The following UTRN variants were observed in gnomAD, a reference collection of about 807,000 sequenced individuals.
UTRN encodes utrophin.
A neutral mutation model predicts 463.9 loss-of-function variants in UTRN; 283 were observed. The observed-to-expected ratio is 0.61, with a 90% CI of 0.55 to 0.67. The LOEUF is 0.67. Ranked by LOEUF, UTRN falls within the 30% of genes least tolerant of loss-of-function variation. The pLI is 0.00. For missense variants in UTRN, 3,922 were observed against 4,084.3 expected (o/e 0.96, Z 1.08); for synonymous variants, 1,442 against 1,431.5 (o/e 1.01, Z -0.17).
At chr6:144,479,726 A>C in intron 25 of UTRN, 86 bp from the exon 26 acceptor site, 1 of 1,465,590 alleles carries the variant, frequency 6.8e-7, no homozygotes, top group Non-Finnish European at 9.2e-7. Flanking sequence ...GAAAGTTATT[A>C]CTGTGCCTTT....
intron 43 of UTRN, among the ~76,000 whole-genome samples, chr6:144,535,152 CT>C (rs1335159295): frequency 3.9e-5 from 6 of 152,344 alleles, no homozygotes; most frequent in African/African-American, 1.4e-4. Flanking sequence ...GTGATCTCAG[CT>C]CACTGCAACC....
intron 2 of UTRN, among the ~76,000 whole-genome samples, chr6:144,331,276 C>T (rs1054827785): frequency 6.6e-6 from 1 of 152,152 alleles, no homozygotes; most frequent in African/African-American, 2.4e-5. Context: ...ATTTATTTTG[C>T]TTACTAACCT....
chr6:144,442,100 T>G (rs1221139908), intron 13 of UTRN, among the ~76,000 whole-genome samples: 1 of 152,218 alleles, frequency 6.6e-6, no homozygotes, highest in Non-Finnish European at 1.5e-5. Flanking sequence ...CGCATTGTCT[T>G]GGTGATTAAC....
intron 53 of UTRN, among the ~76,000 whole-genome samples, chr6:144,715,693 T>TTCCCCCCCC (rs1786341095): frequency 7.6e-6 from 1 of 131,024 alleles, no homozygotes; most frequent in African/African-American, 3.4e-5. Context: ...CTCTCTCTCT[T>TTCCCCCCCC]CCCCCCCCAC....
At chr6:144,570,761 C>T (rs1800865919) in intron 50 of UTRN, among the ~76,000 whole-genome samples, 1 of 152,146 alleles carries the variant, frequency 6.6e-6, no homozygotes, top group African/African-American at 2.4e-5. Flanking sequence ...GCCAAGTGCT[C>T]ATGGTCCCTT....
chr6:144,342,635 G>A (rs934267152), intron 2 of UTRN, among the ~76,000 whole-genome samples: 3 of 152,110 alleles, frequency 2.0e-5, no homozygotes, highest in South Asian at 2.1e-4. Context: ...ACCATATACT[G>A]TATGATTTCT....
Position 144,602,527 on chromosome 6 carries a change from A to C in UTRN, c.7479+25239A>C, listed in dbSNP as rs1013107696. Among the ~76,000 whole-genome samples, 11 of 152,352 alleles carry C rather than the reference A, an allele frequency of 7.2e-5. No individual in the cohort carries two copies. In the South Asian group the frequency reaches 1.9e-3, roughly 26 times the overall value. On this transcript the variant is annotated intron_variant, in intron 51 of 74. Transcript: ENST00000367545. ...TAAAACATTGAATTGTAAGCTATGCATACATTTAAGAAAGACTAGTAAATA... is the reference window on the plus strand; with the variant it reads ...TAAAACATTGAATTGTAAGCTATGCCTACATTTAAGAAAGACTAGTAAATA...
intron 52 of UTRN, among the ~76,000 whole-genome samples, 175 bp from the exon 53 acceptor site, chr6:144,699,908 GTATA>G (rs1356041062): frequency 1.4e-5 from 2 of 148,084 alleles, no homozygotes; most frequent in East Asian, 3.9e-4. Flanking sequence ...ACATATATAT[GTATA>G]TATAGTATAT....
At chr6:144,345,146 T>A (rs1235297498) in intron 2 of UTRN, among the ~76,000 whole-genome samples, 6 of 151,798 alleles carry the variant, frequency 4.0e-5, no homozygotes. Context: ...CCTCTTAATG[T>A]TTTCCTTCTT....
At chr6:144,812,274 G>A (rs748337099) in intron 65 of UTRN, among the ~76,000 whole-genome samples, 13 of 152,054 alleles carry the variant, frequency 8.5e-5, no homozygotes, top group South Asian at 2.1e-4. Flanking sequence ...TTGCTTTGCC[G>A]GTCTTTGGGG....
intron 33 of UTRN, 47 bp from the exon 34 acceptor site, chr6:144,499,210 T>G: frequency 6.4e-7 from 1 of 1,567,590 alleles, no homozygotes; most frequent in Non-Finnish European, 8.7e-7. Flanking sequence ...TCATTTATGT[T>G]CATTCCCATC....
intron 42 of UTRN, 118 bp downstream of exon 42, chr6:144,531,320 G>A: frequency 9.3e-7 from 1 of 1,080,866 alleles, no homozygotes; most frequent in Non-Finnish European, 1.2e-6. Flanking sequence ...TGGACAATTT[G>A]TAATTTTTGT....
intron 47 of UTRN, among the ~76,000 whole-genome samples, chr6:144,549,592 A>G (rs1280216876): frequency 6.6e-6 from 1 of 152,184 alleles, no homozygotes. Flanking sequence ...TTACTGTAGC[A>G]AGGCAAGAGT....
At chr6:144,392,643 A>G (rs1005924261) in intron 2 of UTRN, among the ~76,000 whole-genome samples, 2 of 152,192 alleles carry the variant, frequency 1.3e-5, no homozygotes, top group Non-Finnish European at 2.9e-5. Context: ...TAATTAAATT[A>G]TAGCTGAACT....
intron 35 of UTRN, among the ~76,000 whole-genome samples, chr6:144,511,357 A>G (rs1585069516): frequency 6.6e-6 from 1 of 152,210 alleles, no homozygotes; most frequent in African/African-American, 2.4e-5. Flanking sequence ...AGGTACTTTC[A>G]TATTTTAGTA....
At chr6:144,391,490 C>CCACT (rs1319089510) in intron 2 of UTRN, among the ~76,000 whole-genome samples, 1 of 152,078 alleles carries the variant, frequency 6.6e-6, no homozygotes, top group Non-Finnish European at 1.5e-5. Context: ...GCTCCCAATG[C>CCACT]CACTGTCTTC....
intron 54 of UTRN, among the ~76,000 whole-genome samples, chr6:144,741,513 A>G (rs1229750470): frequency 6.6e-6 from 1 of 152,178 alleles, no homozygotes; most frequent in Non-Finnish European, 1.5e-5. Flanking sequence ...GATACTCGGG[A>G]TACAGTAGTA....
At position 144,786,168 on chromosome 6, in the gene UTRN, T is replaced by G. The variant is rs530195150; in HGVS notation, c.8835-3026T>G. Among the ~76,000 whole-genome samples, 5 of 152,336 alleles carry G rather than the reference T, an allele frequency of 3.3e-5. No homozygotes were observed. In the South Asian group the frequency reaches 1.0e-3, roughly 32 times the overall value. On this transcript the variant is annotated intron_variant, in intron 61 of 74. Transcript: ENST00000367545. ...TACTGTCTCCCTCTTGTCTCTCACA[T>G]CCATGTAGCTTATTTACATCAGTGT...
chr6:144,504,519 G>C (rs1303783259), intron 34 of UTRN, among the ~76,000 whole-genome samples: 1 of 152,156 alleles, frequency 6.6e-6, no homozygotes, highest in African/African-American at 2.4e-5. Flanking sequence ...CATTGGTTCT[G>C]CTTATGTGAT....
Sources: gnomAD v4.1 joint callset for allele counts (sites outside exome capture counted in the v4.1 genomes callset) on GRCh38, gnomAD v4.1.1 for gene constraint, MANE v1.5 for transcripts, NCBI Gene and HGNC (gene_info 2026-07-23, HGNC 2026-07-21) for gene names.